The following ZNF600 variants were observed in gnomAD, a reference collection of about 807,000 sequenced individuals.
ZNF600 encodes zinc finger protein KR-ZNF1.
In ZNF600, 4 loss-of-function variants were observed where a neutral mutation model predicts 7.3. That is an observed-to-expected ratio of 0.55 (90% CI 0.27 to 1.25). ZNF600 has a LOEUF of 1.25. Ranked by LOEUF, ZNF600 falls within the 50% of genes most tolerant of loss-of-function variation. The pLI is 0.12. For synonymous variants in ZNF600, 290 were observed against 308.9 expected, an observed-to-expected ratio of 0.94 and a Z score of 0.64; for missense variants, 911 against 922.1, an observed-to-expected ratio of 0.99 and a Z score of 0.16.
chr19:52,799,552 G>T, the ZNF600 span: 1 of 1,477,224 alleles, frequency 6.8e-7, no homozygotes. Flanking sequence ...ATGGCTTTGT[G>T]ACTTACAAGG....
In ZNF600 at chr19:52,765,486, T is replaced by G. The variant is rs370920863; in HGVS notation, c.*101A>C. The G allele has an allele frequency of 3.0e-5, 46 of 1,556,268 alleles. No homozygotes were observed. In the East Asian group the frequency reaches 5.6e-4, roughly 19 times the overall value. Reference sequence around the variant, plus strand: ...AATGTATGAATGATGTCTGAAAAATTTGCCACATTTATTACACTTGTTAGA... The same window carrying G: ...AATGTATGAATGATGTCTGAAAAATGTGCCACATTTATTACACTTGTTAGA... On this transcript the variant is annotated 3_prime_UTR_variant, in exon 4 of 4. Transcript: ENST00000648973.
At chr19:52,772,635 C>A (rs1258966600) in intron 3 of ZNF600, among the ~76,000 whole-genome samples, 1 of 152,060 alleles carries the variant, frequency 6.6e-6, no homozygotes, top group East Asian at 1.9e-4. Flanking sequence ...CAAAAACCAA[C>A]CCTGGAGGCA....
the ZNF600 span, among the ~76,000 whole-genome samples, chr19:52,823,205 G>A: frequency 4.6e-5 from 7 of 152,068 alleles, no homozygotes; most frequent in African/African-American, 1.7e-4. Flanking sequence ...TGCACTTTTT[G>A]TTTTGTTTTG....
At chr19:52,777,733 G>A (rs960920593) in intron 2 of ZNF600, among the ~76,000 whole-genome samples, 1 of 152,080 alleles carries the variant, frequency 6.6e-6, no homozygotes, top group African/African-American at 2.4e-5. Flanking sequence ...GGAGGCTGAG[G>A]CAGAAGAATT....
intron 2 of ZNF600, among the ~76,000 whole-genome samples, chr19:52,777,138 T>C (rs1414322428): frequency 6.6e-6 from 1 of 152,094 alleles, no homozygotes; most frequent in Admixed American, 6.6e-5. Flanking sequence ...CCCAGCACTA[T>C]GGGAGGCTGA....
At chr19:52,800,332 G>C in the ZNF600 span, 1 of 1,612,406 alleles carries the variant, frequency 6.2e-7, no homozygotes, top group Non-Finnish European at 8.5e-7. Context: ...GAATCACTCC[G>C]GAAAGCCTTG....
chr19:52,774,481 A>G, intron 3 of ZNF600, 94 bp downstream of exon 5: 1 of 967,630 alleles, frequency 1.0e-6, no homozygotes, highest in Non-Finnish European at 1.2e-6. Flanking sequence ...AAAGCCATGC[A>G]TGGGGCAAAA....
chr19:52,788,948 C>T (rs774999415), upstream of ZNF600, among the ~76,000 whole-genome samples: 14 of 152,300 alleles, frequency 9.2e-5, no homozygotes, highest in South Asian at 1.9e-3. Flanking sequence ...GCACCAGCCC[C>T]GCAGAGCCCC....
chr19:52,767,564 T>C, exon 4 of ZNF600: 1 of 1,613,936 alleles, frequency 6.2e-7, no homozygotes, highest in African/African-American at 1.3e-5. Flanking sequence ...CAGTCAACTT[T>C]TTTATTTTTG....
chr19:52,782,354 T>C (rs2062729499), intron 1 of ZNF600, among the ~76,000 whole-genome samples: 1 of 151,412 alleles, frequency 6.6e-6, no homozygotes. Context: ...AGAAACCCCG[T>C]TTCTACTGAA....
chr19:52,822,531 A>T, the ZNF600 span, among the ~76,000 whole-genome samples: 2 of 152,346 alleles, frequency 1.3e-5, no homozygotes, highest in Admixed American at 1.3e-4. Flanking sequence ...GTTGGGAAAT[A>T]GAGGCAAACA....
chr19:52,766,150 T>C, exon 4 of ZNF600: 1 of 1,614,034 alleles, frequency 6.2e-7, no homozygotes, highest in African/African-American at 1.3e-5. Context: ...GACCTCTGAC[T>C]GAAGGTCTTG....
chr19:52,797,205 ATAGT>A, the ZNF600 span, among the ~76,000 whole-genome samples: 2 of 152,242 alleles, frequency 1.3e-5, no homozygotes, highest in African/African-American at 4.8e-5. Context: ...CCTACCAAAA[ATAGT>A]TAGAGAAGGA....
chr19:52,777,569 C>T (rs2062686126), intron 2 of ZNF600, among the ~76,000 whole-genome samples: 2 of 152,100 alleles, frequency 1.3e-5, no homozygotes. Flanking sequence ...CAGTGGTGCA[C>T]ACCTTTAATC....
intron 1 of ZNF600, among the ~76,000 whole-genome samples, chr19:52,785,924 G>GT (rs1001115839): frequency 4.6e-5 from 7 of 151,796 alleles, no homozygotes; most frequent in East Asian, 3.9e-4. Context: ...TGCTTTCTTA[G>GT]TTTTTTTTCT....
chr19:52,812,461 C>T, the ZNF600 span, among the ~76,000 whole-genome samples: 1 of 123,070 alleles, frequency 8.1e-6, no homozygotes, highest in African/African-American at 3.6e-5. Flanking sequence ...GATCTGTGAC[C>T]TTATCCCCAA....
chr19:52,825,993 A>G, the ZNF600 span, among the ~76,000 whole-genome samples: 1 of 152,170 alleles, frequency 6.6e-6, no homozygotes, highest in Non-Finnish European at 1.5e-5. Context: ...AAATAATTTT[A>G]TCTAAAATCT....
chr19:52,776,349 G>C (rs752456794), intron 2 of ZNF600, among the ~76,000 whole-genome samples: 5 of 151,962 alleles, frequency 3.3e-5, no homozygotes, highest in Non-Finnish European at 5.9e-5. Flanking sequence ...TAAGAACACG[G>C]AGCATCCTAC....
chr19:52,798,823 G>C, the ZNF600 span: 2 of 974,096 alleles, frequency 2.1e-6, no homozygotes, highest in Non-Finnish European at 3.1e-6. Flanking sequence ...TAGCATTACT[G>C]AAAACTTTGT....
Sources: allele counts gnomAD v4.1 joint callset (sites outside exome capture counted in the v4.1 genomes callset), GRCh38; gene constraint gnomAD v4.1.1; transcripts MANE v1.5; gene names NCBI Gene and HGNC (gene_info 2026-07-23, HGNC 2026-07-21).